Variants in MAF observed in about 807,000 individuals in gnomAD.
MAF encodes MAF bZIP transcription factor.
MAF carries 10 observed loss-of-function variants against 22.0 expected under a neutral mutation model. That is an observed-to-expected ratio of 0.45 (90% CI 0.28 to 0.77). The LOEUF is 0.77. Ranked by LOEUF, MAF falls within the 30% of genes least tolerant of loss-of-function variation. MAF has a pLI of 0.12. For missense variants in MAF, 544 were observed against 548.4 expected (o/e 0.99, Z 0.08); for synonymous variants, 337 against 255.8 (o/e 1.32, Z -3.03).
chr16:79,228,230 A>T, the MAF span, among the ~76,000 whole-genome samples: 2 of 152,108 alleles, frequency 1.3e-5, no homozygotes, highest in African/African-American at 4.8e-5. Context: ...CTTTAAAGTT[A>T]TTTCATGACT....
chr16:79,293,247 A>T, the MAF span, among the ~76,000 whole-genome samples: 1 of 152,126 alleles, frequency 6.6e-6, no homozygotes, highest in Non-Finnish European at 1.5e-5. Context: ...CCCAGGCCTG[A>T]TGCTGAGCCA....
At chr16:79,535,603 T>TC in the MAF span, among the ~76,000 whole-genome samples, 1 of 149,998 alleles carries the variant, frequency 6.7e-6, no homozygotes, top group African/African-American at 2.5e-5. Flanking sequence ...TTTTTTTTTT[T>TC]TCCGAGACAG....
the MAF span, among the ~76,000 whole-genome samples, chr16:79,512,306 C>G: frequency 1.8e-4 from 27 of 152,274 alleles, no homozygotes; most frequent in East Asian, 5.0e-3. Context: ...CTCCACGAAG[C>G]CAGTATCCAG....
the MAF span, among the ~76,000 whole-genome samples, chr16:79,355,820 G>A: frequency 0.048 from 7,248 of 152,050 alleles, 332 homozygotes; most frequent in East Asian, 0.18. Context: ...GGAGGGGAAC[G>A]TGGTGGGGTC....
chr16:79,480,732 C>A, the MAF span, among the ~76,000 whole-genome samples: 7 of 152,130 alleles, frequency 4.6e-5, no homozygotes, highest in East Asian at 5.8e-4. Flanking sequence ...TACCATGAAC[C>A]AAAGGCTATG....
chr16:79,465,115 T>C, the MAF span, among the ~76,000 whole-genome samples: 4 of 152,184 alleles, frequency 2.6e-5, no homozygotes, highest in Non-Finnish European at 4.4e-5. Context: ...ATTTTAAGAA[T>C]AGTTGTCCCT....
At chr16:79,250,999 G>C in the MAF span, among the ~76,000 whole-genome samples, 12 of 152,188 alleles carry the variant, frequency 7.9e-5, no homozygotes, top group African/African-American at 2.9e-4. Context: ...GAGTTGTTAA[G>C]TGCTTAGCAC....
At chr16:79,587,329 C>G (rs996496897) in intron 1 of MAF, among the ~76,000 whole-genome samples, 1 of 151,890 alleles carries the variant, frequency 6.6e-6, no homozygotes, top group African/African-American at 2.4e-5. Context: ...AAGAAACAGA[C>G]TGAAGTGATA....
the MAF span, among the ~76,000 whole-genome samples, chr16:79,476,844 C>G: frequency 6.6e-6 from 1 of 152,162 alleles, no homozygotes; most frequent in Non-Finnish European, 1.5e-5. Flanking sequence ...CTTGGTGTCT[C>G]CATCACTGAC....
the MAF span, among the ~76,000 whole-genome samples, chr16:79,450,744 A>T: frequency 2.6e-5 from 4 of 152,174 alleles, no homozygotes; most frequent in Non-Finnish European, 5.9e-5. Flanking sequence ...GAGTAATCAG[A>T]ATTGTGGCCC....
the MAF span, among the ~76,000 whole-genome samples, chr16:79,522,671 A>G: frequency 6.6e-6 from 1 of 152,210 alleles, no homozygotes; most frequent in African/African-American, 2.4e-5. Flanking sequence ...GGGTCCCAGT[A>G]AAGTGCTCTG....
the MAF span, among the ~76,000 whole-genome samples, chr16:79,323,417 T>C: frequency 2.6e-4 from 40 of 152,210 alleles, no homozygotes; most frequent in Middle Eastern, 3.4e-3. Context: ...TACATCTCTG[T>C]GTTGTTTCCT....
the MAF span, among the ~76,000 whole-genome samples, chr16:79,341,453 C>G: frequency 6.6e-6 from 1 of 152,160 alleles, no homozygotes; most frequent in African/African-American, 2.4e-5. Context: ...ACTCACACCT[C>G]TTTGGTATCT....
At chr16:79,469,966 G>A in the MAF span, among the ~76,000 whole-genome samples, 4 of 152,202 alleles carry the variant, frequency 2.6e-5, no homozygotes, top group East Asian at 5.8e-4. Flanking sequence ...ACAGACATAA[G>A]TTATCTTAAG....
chr16:79,463,785 CT>C, the MAF span, among the ~76,000 whole-genome samples: 6 of 149,618 alleles, frequency 4.0e-5, no homozygotes, highest in South Asian at 2.1e-4. Context: ...CATGCATCGA[CT>C]TTTTTTTTTC....
chr16:79,441,215 C>G, the MAF span, among the ~76,000 whole-genome samples: 1 of 152,170 alleles, frequency 6.6e-6, no homozygotes. Context: ...CAAATTGAAC[C>G]ACAGATTTCT....
the MAF span, among the ~76,000 whole-genome samples, chr16:79,390,980 G>T: frequency 3.9e-5 from 6 of 152,268 alleles, no homozygotes; most frequent in East Asian, 9.7e-4. Context: ...TTTATTTCGG[G>T]ACAGAAGTGC....
the MAF span, among the ~76,000 whole-genome samples, chr16:79,463,817 G>T: frequency 2.6e-5 from 4 of 151,834 alleles, no homozygotes; most frequent in African/African-American, 4.8e-5. Flanking sequence ...AGATCCCCCT[G>T]TGAACTGTGA....
the MAF span, among the ~76,000 whole-genome samples, chr16:79,448,716 C>A: frequency 2.9e-4 from 44 of 151,866 alleles, 1 homozygote; most frequent in East Asian, 6.4e-3. Flanking sequence ...TGAGCCACTG[C>A]GCCTGGCCTG....
Sources: allele counts gnomAD v4.1 joint callset (sites outside exome capture counted in the v4.1 genomes callset), GRCh38; gene constraint gnomAD v4.1.1; transcripts MANE v1.5; gene names NCBI Gene and HGNC (gene_info 2026-07-23, HGNC 2026-07-21).